SUMF1: variants seen among roughly 807,000 people sequenced by gnomAD.
SUMF1 encodes the protein sulfatase modifying factor 1, also known as formylglycine-generating enzyme.
SUMF1 carries 48 observed loss-of-function variants against 47.6 expected under a neutral mutation model. That is an observed-to-expected ratio of 1.01 (90% confidence interval 0.80 to 1.28). SUMF1 has a LOEUF of 1.28. Ranked by LOEUF, SUMF1 falls within the 50% of genes most tolerant of loss-of-function variation. SUMF1 has a pLI of 0.00. For missense variants in SUMF1, 571 were observed against 485.4 expected (o/e 1.18, Z -1.66); for synonymous variants, 230 against 192.1 (o/e 1.20, Z -1.63).
chr3:4,267,996 A>G, intron 8 of SUMF1, among the ~76,000 whole-genome samples: 1 of 62,394 alleles, frequency 1.6e-5, no homozygotes, highest in South Asian at 3.5e-4. Flanking sequence ...CAAATGTCCA[A>G]CAATGATAGA....
At chr3:4,278,790 C>T (rs1330035880) in intron 8 of SUMF1, among the ~76,000 whole-genome samples, 1 of 151,910 alleles carries the variant, frequency 6.6e-6, no homozygotes, top group Non-Finnish European at 1.5e-5. Flanking sequence ...TAAAAGAAAC[C>T]CCGGGTTCAC....
At chr3:4,323,935 TCAATTCCTATTACTTAGAATTC>T (rs1698890331) in intron 8 of SUMF1, among the ~76,000 whole-genome samples, 1 of 152,190 alleles carries the variant, frequency 6.6e-6, no homozygotes, top group Non-Finnish European at 1.5e-5. Flanking sequence ...TGTACAGTTT[TCAATTCCTATTACTTAGAATTC>T]CAATTCCTAT....
At chr3:4,101,041 A>G (rs1693019974) in intron 8 of SUMF1, among the ~76,000 whole-genome samples, 1 of 152,072 alleles carries the variant, frequency 6.6e-6, no homozygotes, top group Non-Finnish European at 1.5e-5. Context: ...GGGAACTTTT[A>G]TACACCGTCG....
chr3:4,037,303 C>G (rs1254058086), intron 9 of SUMF1, among the ~76,000 whole-genome samples: 2 of 152,168 alleles, frequency 1.3e-5, no homozygotes, highest in Non-Finnish European at 2.9e-5. Context: ...ATCACCGCCT[C>G]CTTCCTTCAA....
intron 8 of SUMF1, among the ~76,000 whole-genome samples, chr3:4,315,525 A>G (rs1241798835): frequency 6.6e-6 from 1 of 152,148 alleles, no homozygotes; most frequent in East Asian, 1.9e-4. Context: ...CTCAGGCACT[A>G]GTTTATTATA....
At chr3:4,251,580 T>C (rs542610934) in intron 8 of SUMF1, among the ~76,000 whole-genome samples, 9 of 152,336 alleles carry the variant, frequency 5.9e-5, no homozygotes, top group Admixed American at 1.3e-4. Flanking sequence ...GCAAGCTTCA[T>C]TGTTGTCTTA....
chr3:4,385,085 C>T (rs1370082658), intron 7 of SUMF1, among the ~76,000 whole-genome samples: 1 of 152,014 alleles, frequency 6.6e-6, no homozygotes, highest in African/African-American at 2.4e-5. Context: ...AGGGTTTCAC[C>T]ATGTTAGCCA....
intron 8 of SUMF1, among the ~76,000 whole-genome samples, chr3:4,176,181 C>G (rs986119025): frequency 2.0e-5 from 3 of 152,066 alleles, no homozygotes; most frequent in Non-Finnish European, 4.4e-5. Flanking sequence ...TCAGGAAATA[C>G]AGAGAACACC....
At chr3:4,447,202 A>C (rs1191083750) in intron 3 of SUMF1, among the ~76,000 whole-genome samples, 1 of 152,224 alleles carries the variant, frequency 6.6e-6, no homozygotes, top group African/African-American at 2.4e-5. Context: ...TTTTTAAAAA[A>C]AAAGGAGAAT....
intron 8 of SUMF1, among the ~76,000 whole-genome samples, chr3:4,178,205 T>C (rs996469603): frequency 6.6e-6 from 1 of 152,132 alleles, no homozygotes; most frequent in Admixed American, 6.6e-5. Flanking sequence ...GCCAGCATCA[T>C]CCTGATACCA....
intron 8 of SUMF1, among the ~76,000 whole-genome samples, chr3:4,299,140 A>G (rs888105857): frequency 1.3e-5 from 2 of 152,210 alleles, no homozygotes; most frequent in Non-Finnish European, 2.9e-5. Context: ...CTGATAAAAT[A>G]TTTACTAGGC....
At chr3:4,273,700 CGGGAGGG>C (rs1559640123) in intron 8 of SUMF1, among the ~76,000 whole-genome samples, 1 of 85,258 alleles carries the variant, frequency 1.2e-5, no homozygotes, top group African/African-American at 5.5e-5. Context: ...AGGGAGGATA[CGGGAGGG>C]AGGATACGGG....
chr3:4,218,166 T>A (rs1188008539), intron 8 of SUMF1, among the ~76,000 whole-genome samples: 1 of 151,894 alleles, frequency 6.6e-6, no homozygotes, highest in Non-Finnish European at 1.5e-5. Flanking sequence ...AAGAAGGCCA[T>A]TTATAAGCCA....
rs573755796 is a variant in SUMF1 at position 4,069,625 on chromosome 3, A to T, written c.1015-880T>A. On this transcript the variant is annotated intron_variant and NMD_transcript_variant, in intron 8 of 12. Coordinates refer to the SUMF1 transcript ENST00000448413. ...AAAGGGAGTGTGAGGTGAGTGTGTT[A>T]TGAATATAACTTGAGAACTAAGCTC... Among the ~76,000 whole-genome samples the T allele has an allele frequency of 1.7e-4, 26 of 152,230 alleles. No homozygotes were observed. In the South Asian group the frequency reaches 5.2e-3, roughly 30 times the overall value.
At chr3:4,403,334 C>G (rs554864416) in intron 7 of SUMF1, among the ~76,000 whole-genome samples, 1 of 151,776 alleles carries the variant, frequency 6.6e-6, no homozygotes, top group South Asian at 2.1e-4. Flanking sequence ...TGAGAAAGAA[C>G]GAATAAAAAA....
At chr3:4,390,260 G>A (rs1049599964) in intron 7 of SUMF1, among the ~76,000 whole-genome samples, 1 of 152,056 alleles carries the variant, frequency 6.6e-6, no homozygotes, top group African/African-American at 2.4e-5. Flanking sequence ...CTCCCCACCT[G>A]GTTGTATACA....
At chr3:4,134,518 A>T (rs2125090033) in intron 8 of SUMF1, among the ~76,000 whole-genome samples, 1 of 152,284 alleles carries the variant, frequency 6.6e-6, no homozygotes, top group South Asian at 2.1e-4. Flanking sequence ...AGAAAGCAGG[A>T]AAGATCTAAA....
At chr3:4,069,354 C>A (rs1465162788) in intron 8 of SUMF1, among the ~76,000 whole-genome samples, 1 of 152,158 alleles carries the variant, frequency 6.6e-6, no homozygotes, top group Non-Finnish European at 1.5e-5. Context: ...TCACTTAGGG[C>A]CCTGTGCTCA....
chr3:4,054,108 GAA>G lies in SUMF1; in HGVS notation c.1191+14459_1191+14460del, dbSNP rs549888720. On this transcript the variant is annotated intron_variant and NMD_transcript_variant, in intron 9 of 12. Coordinates refer to the SUMF1 transcript ENST00000448413. ...AGCCAATGAAACTAATCACGTCAGA[GAA>G]AACTCAAGCATGACCTTTTGAGCAA... Among the ~76,000 whole-genome samples, 1,133 of 152,238 alleles carry G rather than the reference GAA, an allele frequency of 7.4e-3. 13 individuals carry two copies. The highest frequency in any genetic ancestry group is 0.014 in the Middle Eastern group (4 of 294).
Sources: gnomAD v4.1 joint callset for allele counts (sites outside exome capture counted in the v4.1 genomes callset) on GRCh38, gnomAD v4.1.1 for gene constraint, MANE v1.5 for transcripts, NCBI Gene and HGNC (gene_info 2026-07-23, HGNC 2026-07-21) for gene names.